Variants in GP1BB observed in about 807,000 individuals in gnomAD.
GP1BB encodes the protein platelet glycoprotein Ib beta chain.
In GP1BB, 3 loss-of-function variants were observed where a neutral mutation model predicts 2.5. That is an observed-to-expected ratio of 1.22 (90% confidence interval 0.56 to 3.15). The LOEUF (loss-of-function observed/expected upper bound fraction) is 3.15. Ranked by LOEUF, GP1BB falls within the 30% of genes most tolerant of loss-of-function variation. The pLI is 0.03. For synonymous variants in GP1BB, 191 were observed against 167.5 expected (o/e 1.14, Z -1.08); for missense variants, 316 against 307.0 (o/e 1.03, Z -0.22).
intron 1 of GP1BB, 64 bp downstream of exon 1, chr22:19,723,643 C>T (rs756472909): frequency 1.1e-4 from 176 of 1,550,546 alleles, no homozygotes; most frequent in Non-Finnish European, 3.8e-5. Flanking sequence ...GAGAGGAGCT[C>T]TGGTCGTTTG....
rs566833759 is a variant in GP1BB, at chr22:19,724,149, C to T, written c.306C>T (p.Ala102=). ...ACTGCCGCCTTGTGCCGCTGCGCGC[C>T]TGGCTGGCCGGCCGCCCCGAGCGTG... ...RCDCRLVPLR[A]WLAGRPERAP... Residue 102 remains alanine (A), a synonymous_variant, in exon 2 of 2, where the codon GCC becomes GCT. Coordinates refer to ENST00000366425, the MANE Select transcript of GP1BB (RefSeq NM_000407.5). The T allele has an allele frequency of 3.7e-4, 498 of 1,330,532 alleles. 2 individuals carry two copies. In the African/African-American group the frequency reaches 6.8e-3, roughly 18 times the overall value. The allele number at this position is 1,330,532 out of a possible 1,614,324, so 82.4% of individuals were successfully genotyped here.
Position 19,724,071 on chromosome 22 carries a change from C to G in GP1BB, c.228C>G (p.Asp76Glu). The change falls in exon 2 of 2, where the codon GAC becomes GAG. Residue 76 changes from aspartate to glutamate, a missense_variant. Physicochemically the swap from Asp to Glu is conservative, Grantham distance 45. Transcript: ENST00000366425. ...CGGCGCTGCCGCCGGGGCTGCTGGACGCGCTGCCCGCGCTGCGCACCGCAC... is the reference window on the plus strand; with the variant it reads ...CGGCGCTGCCGCCGGGGCTGCTGGAGGCGCTGCCCGCGCTGCGCACCGCAC... ...NLTALPPGLL[D>E]ALPALRTAHL... is the part of the protein sequence containing the mutation. 6.7e-7 allele frequency: 1 copy of G among 1,499,730 alleles called. No homozygotes were observed. Among genetic ancestry groups the G allele is most frequent in the African/African-American group, 1.4e-5 (1 of 69,008 alleles). The allele number at this position is 1,499,730 out of a possible 1,614,324, so 92.9% of individuals were successfully genotyped here.
In GP1BB at chr22:19,724,529, A is replaced by G. The variant is rs1936128097; in HGVS notation, c.*65A>G. 1 of 1,157,548 alleles carries G rather than the reference A, an allele frequency of 8.6e-7. No homozygotes were observed. The highest frequency in any genetic ancestry group is 1.3e-6 in the Non-Finnish European group (1 of 791,786). 71.7% of individuals were successfully genotyped at this position (1,157,548 alleles called of 1,614,324 possible). A position where few individuals can be genotyped will look rare whatever the true frequency, so the allele number is the denominator to read the frequency against. ...GGCAACACGGGCCTGCAAACTCGAC[A>G]GGACCCTGCCCGAGGGGCCCTCGCG... On this transcript the variant is annotated 3_prime_UTR_variant, in exon 2 of 2. Transcript: ENST00000366425.
Position 19,724,197 on chromosome 22 carries a change from C to A in GP1BB, c.354C>A (p.Cys118Ter). 1 of 1,239,612 alleles carries A rather than the reference C, an allele frequency of 8.1e-7. No individual in the cohort carries two copies. The highest frequency in any genetic ancestry group is 1.0e-6 in the Non-Finnish European group (1 of 996,284). The allele number at this position is 1,239,612 out of a possible 1,614,324, so 76.8% of individuals were successfully genotyped here. ...GTGCGCCCTACCGCGACCTGCGTTG[C>A]GTGGCGCCCCCAGCGCTGCGCGGCC... ...PERAPYRDLR[C>*]VAPPALRGRL... Residue 118 changes from cysteine (C) to a stop codon, truncating the protein, a stop_gained, in exon 2 of 2, where the codon TGC (cysteine) becomes TGA (stop). Coordinates refer to ENST00000366425, the MANE Select transcript of GP1BB (RefSeq NM_000407.5). LOFTEE classifies it low-confidence loss of function (END_TRUNC).
At position 19,724,028 on chromosome 22, in the gene GP1BB, T is replaced by C; in HGVS notation, c.185T>C (p.Leu62Pro). The C allele has an allele frequency of 6.5e-7, 1 of 1,530,950 alleles. No homozygotes were observed. The highest frequency in any genetic ancestry group is 8.7e-7 in the Non-Finnish European group (1 of 1,145,676). The allele number at this position is 1,530,950 out of a possible 1,614,324, so 94.8% of individuals were successfully genotyped here. ...AFPVDTTELV[L>P]TGNNLTALPP... ...CCTGTCGACACAACCGAGCTGGTGC[T>C]GACCGGCAACAACCTGACGGCGCTG... Residue 62 changes from leucine (L) to proline (P), a missense_variant, in exon 2 of 2, where the codon CTG becomes CCG. Coordinates refer to ENST00000366425, the MANE Select transcript of GP1BB (RefSeq NM_000407.5).
intron 1 of GP1BB, 35 bp from the exon 2 acceptor site, chr22:19,723,819 C>T (rs1193070893): frequency 2.7e-6 from 4 of 1,509,404 alleles, no homozygotes; most frequent in Non-Finnish European, 3.5e-6. Flanking sequence ...AGGTGCCCGC[C>T]GACCGCTCGG....
At position 19,724,110 on chromosome 22, in the gene GP1BB, C is replaced by A. The variant is rs1238459029; in HGVS notation, c.267C>A (p.Asn89Lys). 1.4e-6 allele frequency: 2 copies of A among 1,443,496 alleles called. No homozygotes were observed. The allele number at this position is 1,443,496 out of a possible 1,614,324, so 89.4% of individuals were successfully genotyped here. ...PALRTAHLGA[N>K]PWRCDCRLVP... ...TGCGCACCGCACACCTGGGCGCCAA[C>A]CCCTGGCGCTGCGACTGCCGCCTTG... Residue 89 changes from asparagine (N) to lysine (K), a missense_variant, in exon 2 of 2, where the codon AAC (asparagine) becomes AAA (lysine). Transcript: ENST00000366425.
chr22:19,723,916 G>A lies in GP1BB; in HGVS notation c.73G>A (p.Gly25Ser). 4 of 1,522,970 alleles carry A rather than the reference G, an allele frequency of 2.6e-6. No homozygotes were observed. Among genetic ancestry groups the A allele is most frequent in the Non-Finnish European group, 3.5e-6 (4 of 1,142,116 alleles). 94.3% of individuals were successfully genotyped at this position (1,522,970 alleles called of 1,614,324 possible). ...LLAPPSRPAA[G>S]CPAPCSCAGT... ...GGCCCCGCCGAGCCGCCCGGCCGCA[G>A]GTTGCCCGGCGCCCTGTAGCTGCGC... Residue 25 changes from glycine to serine, a missense_variant, in exon 2 of 2, where the codon GGT becomes AGT. Coordinates refer to ENST00000366425, the MANE Select transcript of GP1BB (RefSeq NM_000407.5).
chr22:19,724,553 C>A lies in GP1BB; in HGVS notation c.*89C>A. ...CAGGACCCTGCCCGAGGGGCCCTCG[C>A]GCCAACCTGGACCGGTCCCCGCCTC... On this transcript the variant is annotated 3_prime_UTR_variant, in exon 2 of 2. Coordinates refer to ENST00000366425, the MANE Select transcript of GP1BB (RefSeq NM_000407.5). 1 of 947,308 alleles carries A rather than the reference C, an allele frequency of 1.1e-6. No homozygotes were observed. Among genetic ancestry groups the A allele is most frequent in the Admixed American group, 2.0e-5 (1 of 49,740 alleles). 58.7% of individuals were successfully genotyped at this position (947,308 alleles called of 1,614,324 possible).
rs768676411 is a variant in GP1BB, at chr22:19,724,595, C to T, written c.*131C>T. 131 of 718,986 alleles carry T rather than the reference C, an allele frequency of 1.8e-4. No individual in the cohort carries two copies. Among genetic ancestry groups the T allele is most frequent in the Non-Finnish European group, 2.8e-4 (111 of 402,604 alleles). 44.5% of individuals were successfully genotyped at this position (718,986 alleles called of 1,614,324 possible). Reference sequence around the variant, plus strand: ...CCCCGCCTCCTCCGCTGCCCAATCTCTCAGACCCACCCCACCTGCAGGCCC... The same window carrying T: ...CCCCGCCTCCTCCGCTGCCCAATCTTTCAGACCCACCCCACCTGCAGGCCC... On this transcript the variant is annotated 3_prime_UTR_variant, in exon 2 of 2. Coordinates refer to ENST00000366425, the MANE Select transcript of GP1BB (RefSeq NM_000407.5).
At position 19,724,167 on chromosome 22, in the gene GP1BB, C is replaced by A. The variant is rs957598398; in HGVS notation, c.324C>A (p.Pro108=). The change falls in exon 2 of 2, where the codon CCC becomes CCA. Residue 108 remains proline (P), a synonymous_variant. Transcript: ENST00000366425. ...TGCGCGCCTGGCTGGCCGGCCGCCC[C>A]GAGCGTGCGCCCTACCGCGACCTGC... is the stretch of plus-strand genomic sequence containing the variant. ...VPLRAWLAGR[P]ERAPYRDLRC... 1.6e-6 allele frequency: 2 copies of A among 1,289,696 alleles called. No homozygotes were observed. The highest frequency in any genetic ancestry group is 1.6e-5 in the African/African-American group (1 of 64,134). 79.9% of individuals were successfully genotyped at this position (1,289,696 alleles called of 1,614,324 possible).
chr22:19,724,118 G>A lies in GP1BB; in HGVS notation c.275G>A (p.Arg92His). Residue 92 changes from arginine (R) to histidine (H), a missense_variant, in exon 2 of 2, where the codon CGC becomes CAC. By Grantham distance (29) the Arg-to-His change is conservative. Transcript: ENST00000366425. ...RTAHLGANPW[R>H]CDCRLVPLRA... ...GCACACCTGGGCGCCAACCCCTGGC[G>A]CTGCGACTGCCGCCTTGTGCCGCTG... The A allele has an allele frequency of 7.0e-7, 1 of 1,435,864 alleles. No individual in the cohort carries two copies. Among genetic ancestry groups the A allele is most frequent in the Non-Finnish European group, 9.1e-7 (1 of 1,096,276 alleles). 88.9% of individuals were successfully genotyped at this position (1,435,864 alleles called of 1,614,324 possible). A position where few individuals can be genotyped will look rare whatever the true frequency, so the allele number is the denominator to read the frequency against.
rs1465226435 is a variant in GP1BB at position 19,724,577 on chromosome 22, T to G, written c.*113T>G. The G allele has an allele frequency of 9.2e-6, 7 of 763,684 alleles. No individual in the cohort carries two copies. In the Admixed American group the frequency reaches 1.2e-4, roughly 13 times the overall value. The allele number at this position is 763,684 out of a possible 1,614,324, so 47.3% of individuals were successfully genotyped here. ...GCGCCAACCTGGACCGGTCCCCGCC[T>G]CCTCCGCTGCCCAATCTCTCAGACC... On this transcript the variant is annotated 3_prime_UTR_variant, in exon 2 of 2. Transcript: ENST00000366425.
At chr22:19,723,812 T>G in intron 1 of GP1BB, 42 bp from the exon 2 acceptor site, 2 of 1,498,578 alleles carry the variant, frequency 1.3e-6, no homozygotes, top group Non-Finnish European at 1.8e-6. Context: ...GTCGCCCAGG[T>G]GCCCGCCGAC....
At position 19,724,511 on chromosome 22, in the gene GP1BB, C is replaced by T. The variant is rs949870745; in HGVS notation, c.*47C>T. On this transcript the variant is annotated 3_prime_UTR_variant, in exon 2 of 2. Coordinates refer to ENST00000366425, the MANE Select transcript of GP1BB (RefSeq NM_000407.5). Reference sequence around the variant, plus strand: ...AGGAGAGAACCGGCGCTGGGCAACACGGGCCTGCAAACTCGACAGGACCCT... The same window carrying T: ...AGGAGAGAACCGGCGCTGGGCAACATGGGCCTGCAAACTCGACAGGACCCT... The T allele has an allele frequency of 6.9e-6, 9 of 1,304,926 alleles. No homozygotes were observed. The African/African-American group carries it at 1.2e-4, about 17-fold the overall frequency. 80.8% of individuals were successfully genotyped at this position (1,304,926 alleles called of 1,614,324 possible). A position where few individuals can be genotyped will look rare whatever the true frequency, so the allele number is the denominator to read the frequency against.
intron 1 of GP1BB, 70 bp downstream of exon 1, chr22:19,723,649 G>A (rs116761181): frequency 6.5e-7 from 1 of 1,531,360 alleles, no homozygotes; most frequent in African/African-American, 1.4e-5. Flanking sequence ...AGCTCTGGTC[G>A]TTTGGCTGCA....
At chr22:19,723,628 G>C (rs752585529) in intron 1 of GP1BB, 49 bp downstream of exon 1, 1 of 1,577,016 alleles carries the variant, frequency 6.3e-7, no homozygotes, top group East Asian at 2.3e-5. Flanking sequence ...AGGCCGACCC[G>C]GGTTGAGAGG....
Position 19,724,447 on chromosome 22 carries a change from G to GGAACCGACGAGTCCTGAGGAGA in GP1BB, c.611_*11dup. 2 of 1,544,046 alleles carry GGAACCGACGAGTCCTGAGGAGA rather than the reference G, an allele frequency of 1.3e-6. No homozygotes were observed. The highest frequency in any genetic ancestry group is 1.7e-6 in the Non-Finnish European group (2 of 1,143,694). On this transcript the variant is annotated stop_gained and frameshift_variant, in exon 2 of 2. Transcript: ENST00000366425. LOFTEE classifies it high-confidence loss of function. ...CGACCCGCTGGTGGCCGAGCGAGCC[G>GGAACCGACGAGTCCTGAGGAGA]GAACCGACGAGTCCTGAGGAGAGAA...
Position 19,724,359 on chromosome 22 carries a change from G to T in GP1BB, c.516G>T (p.Leu172=). 2 of 1,491,552 alleles carry T rather than the reference G, an allele frequency of 1.3e-6. No homozygotes were observed. The highest frequency in any genetic ancestry group is 8.9e-7 in the Non-Finnish European group (1 of 1,124,484). The allele number at this position is 1,491,552 out of a possible 1,614,324, so 92.4% of individuals were successfully genotyped here. A position where few individuals can be genotyped will look rare whatever the true frequency, so the allele number is the denominator to read the frequency against. ...LLHALLLVLL[L]CRLRRLRARA... is the part of the protein sequence containing the mutation. ...ACGCGTTGCTGCTGGTGCTGCTGCTGTGCCGCCTGCGGAGGCTGCGGGCCC... is the reference window on the plus strand; with the variant it reads ...ACGCGTTGCTGCTGGTGCTGCTGCTTTGCCGCCTGCGGAGGCTGCGGGCCC... Residue 172 remains leucine (L), a synonymous_variant, in exon 2 of 2, where the codon CTG becomes CTT. Coordinates refer to ENST00000366425, the MANE Select transcript of GP1BB (RefSeq NM_000407.5).
Sources: allele counts gnomAD v4.1 joint callset, GRCh38; gene constraint gnomAD v4.1.1; transcripts MANE v1.5; gene names NCBI Gene and HGNC (gene_info 2026-07-23, HGNC 2026-07-21).